Variants in GLIS3 observed in about 807,000 individuals in gnomAD.
GLIS3 encodes the protein GLIS family zinc finger 3, also known as zinc finger protein GLIS3.
In GLIS3, 53 loss-of-function variants were observed where a neutral mutation model predicts 78.6. The ratio of observed to expected loss-of-function variants is 0.67; its 90% CI spans 0.54 to 0.85. The LOEUF is 0.85. GLIS3 is among the 40% of genes least tolerant of loss of function. The pLI, the probability that GLIS3 is intolerant of heterozygous loss-of-function variation, is 0.00. For missense variants in GLIS3, 1,703 were observed against 1,231.1 expected, an observed-to-expected ratio of 1.38 and a Z score of -5.74; for synonymous variants, 684 against 509.9, an observed-to-expected ratio of 1.34 and a Z score of -4.60.
chr9:4,393,674 G>C, the GLIS3 span, among the ~76,000 whole-genome samples: 2 of 152,168 alleles, frequency 1.3e-5, no homozygotes, highest in Non-Finnish European at 2.9e-5. Context: ...GAATTTGGCT[G>C]ATGTTTCCTT....
At chr9:3,853,410 C>CATATTTATTAAATATGTATTTAATAAAT (rs1162614543) in intron 9 of GLIS3, among the ~76,000 whole-genome samples, 11 of 151,598 alleles carry the variant, frequency 7.3e-5, no homozygotes, top group Admixed American at 6.6e-5. Context: ...ATCACTTAGT[C>CATATTTATTAAATATGTATTTAATAAAT]AGTAAATATT....
At chr9:4,382,131 T>C in the GLIS3 span, among the ~76,000 whole-genome samples, 1 of 152,226 alleles carries the variant, frequency 6.6e-6, no homozygotes, top group South Asian at 2.1e-4. Flanking sequence ...CCAATGCCCG[T>C]AATACCAAAA....
Position 3,957,471 on chromosome 9 carries a change from C to G in GLIS3, c.1711-20282G>C, listed in dbSNP as rs57462148. On this transcript the variant is annotated intron_variant, in intron 4 of 10. Coordinates refer to ENST00000381971, the MANE Select transcript of GLIS3 (RefSeq NM_001042413.2). ...AAACTACAGGGAGTTGCAAGATGAACCACGAGATGGGATTTGCATATTGCA... is the reference window on the plus strand; with the variant it reads ...AAACTACAGGGAGTTGCAAGATGAAGCACGAGATGGGATTTGCATATTGCA... Among the ~76,000 whole-genome samples the G allele has an allele frequency of 6.0e-3, 912 of 152,292 alleles. 14 individuals carry two copies. Among genetic ancestry groups the G allele is most frequent in the African/African-American group, 0.021 (859 of 41,556 alleles).
intron 2 of GLIS3, among the ~76,000 whole-genome samples, chr9:4,139,194 T>C (rs1008381442): frequency 6.6e-6 from 1 of 152,132 alleles, no homozygotes; most frequent in African/African-American, 2.4e-5. Flanking sequence ...TCAACCTGCT[T>C]TTTCCCCTGC....
chr9:4,061,799 A>G (rs1826678605), intron 4 of GLIS3, among the ~76,000 whole-genome samples: 1 of 152,142 alleles, frequency 6.6e-6, no homozygotes, highest in African/African-American at 2.4e-5. Flanking sequence ...TACTGCACAT[A>G]CTCCCTGAAG....
chr9:4,376,728 A>T, the GLIS3 span, among the ~76,000 whole-genome samples: 1 of 135,884 alleles, frequency 7.4e-6, no homozygotes, highest in African/African-American at 2.6e-5. Context: ...AAACTATTAG[A>T]TACTATTTTT....
the GLIS3 span, among the ~76,000 whole-genome samples, chr9:4,423,178 A>C: frequency 1.1e-4 from 17 of 152,108 alleles, no homozygotes; most frequent in Admixed American, 2.0e-4. Flanking sequence ...CTGCCTTTTA[A>C]ACAACAAGTG....
intron 9 of GLIS3, among the ~76,000 whole-genome samples, chr9:3,852,517 G>C (rs895003671): frequency 4.6e-5 from 7 of 152,168 alleles, no homozygotes; most frequent in African/African-American, 1.7e-4. Flanking sequence ...AAGCTGAAAG[G>C]CATGATCAAT....
chr9:4,452,846 T>C, the GLIS3 span, among the ~76,000 whole-genome samples: 1 of 152,026 alleles, frequency 6.6e-6, no homozygotes, highest in African/African-American at 2.4e-5. Context: ...AAAGAGCCCA[T>C]ATAGCCGAGA....
intron 2 of GLIS3, among the ~76,000 whole-genome samples, chr9:4,182,354 C>T (rs1232698633): frequency 1.3e-5 from 2 of 152,190 alleles, no homozygotes; most frequent in Non-Finnish European, 2.9e-5. Context: ...TCCTTCAACA[C>T]TCTTAAATTG....
intron 6 of GLIS3, among the ~76,000 whole-genome samples, chr9:3,921,551 A>G (rs1050578265): frequency 6.6e-6 from 1 of 152,250 alleles, no homozygotes; most frequent in African/African-American, 2.4e-5. Flanking sequence ...TAAACAAAAT[A>G]GTGGAATAAT....
At chr9:4,219,198 T>G (rs1821110648) in intron 2 of GLIS3, among the ~76,000 whole-genome samples, 1 of 152,244 alleles carries the variant, frequency 6.6e-6, no homozygotes, top group South Asian at 2.1e-4. Context: ...CCATGTCCTC[T>G]TCCACGGTCT....
chr9:4,357,657 T>A, the GLIS3 span, among the ~76,000 whole-genome samples: 1 of 152,058 alleles, frequency 6.6e-6, no homozygotes, highest in Non-Finnish European at 1.5e-5. Context: ...TTGACTCACG[T>A]GAACATCATT....
At chr9:4,399,316 A>T in the GLIS3 span, among the ~76,000 whole-genome samples, 101 of 152,300 alleles carry the variant, frequency 6.6e-4, no homozygotes, top group East Asian at 0.01. Context: ...TTTATTTTTT[A>T]AAAAAACTGC....
chr9:3,901,416 G>A lies in GLIS3; in HGVS notation c.1984-2581C>T, dbSNP rs75139762. ...GATGATAGACTGATAGCTTGAAATC[G>A]GTCATAGTGAAGTATTTACACCATG... On this transcript the variant is annotated intron_variant, in intron 6 of 10. Transcript: ENST00000381971. Among the ~76,000 whole-genome samples, 903 of 152,222 alleles carry A rather than the reference G, an allele frequency of 5.9e-3. 9 individuals carry two copies. The highest frequency in any genetic ancestry group is 0.02 in the African/African-American group (845 of 41,524).
At chr9:4,014,629 T>C (rs1822290965) in intron 4 of GLIS3, among the ~76,000 whole-genome samples, 1 of 152,214 alleles carries the variant, frequency 6.6e-6, no homozygotes, top group African/African-American at 2.4e-5. Flanking sequence ...GAGCCATCAA[T>C]GTAAGCATGG....
At chr9:4,308,015 C>A (rs1457320233) in intron 4 of GLIS3, among the ~76,000 whole-genome samples, 3 of 152,178 alleles carry the variant, frequency 2.0e-5, no homozygotes, top group African/African-American at 7.2e-5. Context: ...TCTCCCTTCT[C>A]CCCCAGAACC....
At chr9:4,291,575 T>A (rs1815979897) in intron 1 of GLIS3, among the ~76,000 whole-genome samples, 1 of 151,856 alleles carries the variant, frequency 6.6e-6, no homozygotes, top group Non-Finnish European at 1.5e-5. Flanking sequence ...GTAGTAAATA[T>A]GAACAGGACA....
intron 7 of GLIS3, among the ~76,000 whole-genome samples, chr9:3,883,285 T>G (rs1821858785): frequency 6.6e-6 from 1 of 152,218 alleles, no homozygotes; most frequent in African/African-American, 2.4e-5. Flanking sequence ...AATATTCTTT[T>G]ATGCATTCAT....
Sources: gnomAD v4.1 joint callset for allele counts (sites outside exome capture counted in the v4.1 genomes callset) on GRCh38, gnomAD v4.1.1 for gene constraint, MANE v1.5 for transcripts, NCBI Gene and HGNC (gene_info 2026-07-23, HGNC 2026-07-21) for gene names.